VPS13A: variants seen among roughly 807,000 people sequenced by gnomAD.
VPS13A encodes the protein intermembrane lipid transfer protein VPS13A.
VPS13A carries 264 observed loss-of-function variants against 390.9 expected under a neutral mutation model. The ratio of observed to expected loss-of-function variants is 0.68; its 90% CI spans 0.61 to 0.75. The LOEUF is 0.75. Among genes scored for constraint, VPS13A ranks in the 30% least tolerant of loss-of-function variants. The pLI is 0.00. For missense variants in VPS13A, 3,409 were observed against 3,733.9 expected (o/e 0.91, Z 2.27); for synonymous variants, 1,231 against 1,227.1 (o/e 1.00, Z -0.07).
chr9:77,207,213 T>TTATGTATATATA (rs1554859895), intron 5 of VPS13A, among the ~76,000 whole-genome samples: 1 of 43,096 alleles, frequency 2.3e-5, no homozygotes. Context: ...TATTTAGATA[T>TTATGTATATATA]TATATATATA....
At chr9:77,238,745 T>C (rs140448239) in intron 19 of VPS13A, among the ~76,000 whole-genome samples, 3 of 152,330 alleles carry the variant, frequency 2.0e-5, no homozygotes, top group African/African-American at 7.2e-5. Flanking sequence ...TTTTATTCTC[T>C]AGGAGAGTTT....
At chr9:77,358,836 C>A (rs146024207) in intron 57 of VPS13A, among the ~76,000 whole-genome samples, 1 of 152,064 alleles carries the variant, frequency 6.6e-6, no homozygotes, top group Non-Finnish European at 1.5e-5. Flanking sequence ...CCTTTTCTTT[C>A]CCTTTGCCTT....
intron 33 of VPS13A, among the ~76,000 whole-genome samples, chr9:77,298,231 T>C (rs987382448): frequency 3.9e-5 from 6 of 152,192 alleles, no homozygotes; most frequent in Non-Finnish European, 1.5e-5. Context: ...GGAATATATG[T>C]GCCTAGGTGA....
At chr9:77,387,763 A>G (rs370676517) in intron 68 of VPS13A, among the ~76,000 whole-genome samples, 4 of 152,318 alleles carry the variant, frequency 2.6e-5, no homozygotes, top group East Asian at 3.9e-4. Flanking sequence ...TTTGTTTTTG[A>G]AACTATTCAA....
intron 37 of VPS13A, 140 bp downstream of exon 37, chr9:77,314,804 C>A: frequency 1.3e-6 from 1 of 766,908 alleles, no homozygotes; most frequent in Non-Finnish European, 2.2e-6. Context: ...GCTCGTAGTA[C>A]TCGGTTAACA....
intron 34 of VPS13A, among the ~76,000 whole-genome samples, chr9:77,303,590 C>G (rs938439932): frequency 2.0e-5 from 3 of 152,068 alleles, no homozygotes; most frequent in Non-Finnish European, 2.9e-5. Flanking sequence ...CCTCTGAGTT[C>G]CGTCAGTTTT....
chr9:77,371,703 T>C (rs928428343), intron 67 of VPS13A, among the ~76,000 whole-genome samples: 2 of 151,244 alleles, frequency 1.3e-5, no homozygotes, highest in African/African-American at 2.4e-5. Flanking sequence ...CATGTGCACA[T>C]TGCGCAGGTT....
chr9:77,396,197 A>G (rs1834113350), intron 68 of VPS13A, among the ~76,000 whole-genome samples: 1 of 152,130 alleles, frequency 6.6e-6, no homozygotes, highest in South Asian at 2.1e-4. Context: ...GAGCATAGTT[A>G]TTTTCCTTCT....
intron 6 of VPS13A, among the ~76,000 whole-genome samples, chr9:77,210,181 C>G: frequency 8.1e-6 from 1 of 122,918 alleles, no homozygotes; most frequent in Non-Finnish European, 1.7e-5. Context: ...CTCTCTCTCT[C>G]TCTTTCTCTT....
chr9:77,382,528 G>A (rs1283962268), intron 68 of VPS13A: 12 of 1,229,712 alleles, frequency 9.8e-6, no homozygotes, highest in Non-Finnish European at 1.2e-5. Flanking sequence ...CCTCGTCATT[G>A]GTGGTACTTA....
Position 77,225,927 on chromosome 9 carries a change from A to T in VPS13A, c.1163A>T (p.Glu388Val), listed in dbSNP as rs1219691905. 1.9e-6 allele frequency: 3 copies of T among 1,610,012 alleles called. No homozygotes were observed. Among genetic ancestry groups the T allele is most frequent in the African/African-American group, 2.7e-5 (2 of 74,896 alleles). ...PPGELLVSLE[E>V]LEKTLDVFNI... ...CACATTTTTGTTTATATTTTTCAGGAGTTGGAAAAAACCTTGGATGTCTTT... is the reference window on the plus strand; with the variant it reads ...CACATTTTTGTTTATATTTTTCAGGTGTTGGAAAAAACCTTGGATGTCTTT... Residue 388 changes from glutamate to valine, a missense_variant and splice_region_variant, in exon 14 of 72, where the codon GAG (glutamate) becomes GTG (valine). Around this residue, in one of 5 missense-constraint regions of VPS13A, gnomAD observed 2,717 missense variants for 2,917.4 expected, o/e 0.93. Coordinates refer to ENST00000360280, the MANE Select transcript of VPS13A (RefSeq NM_033305.3).
At chr9:77,217,325 T>C (rs887772630) in intron 10 of VPS13A, among the ~76,000 whole-genome samples, 2 of 152,240 alleles carry the variant, frequency 1.3e-5, no homozygotes, top group Non-Finnish European at 2.9e-5. Context: ...TTTAATTTTT[T>C]ATTTGTATAA....
chr9:77,240,547 G>A lies in VPS13A; in HGVS notation c.1900+2161G>A, dbSNP rs577807742. ...GCTGGGGGTGCGGTGGCATAATCTC[G>A]GCTCGCTGCAACCTCTGCCTCCCAG... On this transcript the variant is annotated intron_variant, in intron 19 of 71. Transcript: ENST00000360280. Among the ~76,000 whole-genome samples, 73 of 143,504 alleles carry A rather than the reference G, an allele frequency of 5.1e-4. 1 individual carries two copies. The highest frequency in any genetic ancestry group is 3.6e-3 in the Admixed American group (50 of 13,920). The allele number at this position is 143,504 out of a possible 152,430, so 94.1% of individuals were successfully genotyped here. A position where few individuals can be genotyped will look rare whatever the true frequency, so the allele number is the denominator to read the frequency against.
At chr9:77,315,781 A>G (rs895677871) in intron 38 of VPS13A, among the ~76,000 whole-genome samples, 2 of 152,132 alleles carry the variant, frequency 1.3e-5, no homozygotes, top group African/African-American at 2.4e-5. Flanking sequence ...TAATGAACCA[A>G]CCATACCTTT....
chr9:77,339,394 C>T, intron 47 of VPS13A, 122 bp from the exon 48 acceptor site: 2 of 906,036 alleles, frequency 2.2e-6, no homozygotes, highest in Non-Finnish European at 1.6e-6. Context: ...AGTCTTCTGA[C>T]TTGTTCTGAT....
intron 71 of VPS13A, among the ~76,000 whole-genome samples, chr9:77,408,534 T>G (rs1293454838): frequency 6.6e-6 from 1 of 152,206 alleles, no homozygotes; most frequent in Non-Finnish European, 1.5e-5. Context: ...GGGAATTCCC[T>G]TTCCTAGTCA....
At chr9:77,277,729 CTT>C (rs1178499560) in intron 26 of VPS13A, among the ~76,000 whole-genome samples, 1 of 151,904 alleles carries the variant, frequency 6.6e-6, no homozygotes, top group South Asian at 2.1e-4. Context: ...ACCTCCATGT[CTT>C]TTCATAACTG....
rs1238595937 is a variant in VPS13A, at chr9:77,266,198, T to C, written c.2427+5974T>C. ...CCATTCTTTTGCATTTGCTGAAGCT[T>C]GTTTTACCTTCAATTATGTGATCAA... On this transcript the variant is annotated intron_variant, in intron 23 of 71. Coordinates refer to ENST00000360280, the MANE Select transcript of VPS13A (RefSeq NM_033305.3). Among the ~76,000 whole-genome samples the C allele has an allele frequency of 3.3e-5, 5 of 152,182 alleles. No homozygotes were observed. The East Asian group carries it at 7.7e-4, about 23-fold the overall frequency.
At chr9:77,256,212 G>A (rs1825435188) in intron 22 of VPS13A, among the ~76,000 whole-genome samples, 1 of 151,836 alleles carries the variant, frequency 6.6e-6, no homozygotes, top group African/African-American at 2.4e-5. Flanking sequence ...TTTGTCTTGA[G>A]TTATTTTCTA....
Sources: allele counts gnomAD v4.1 joint callset (sites outside exome capture counted in the v4.1 genomes callset), GRCh38; gene constraint gnomAD v4.1.1; regional missense constraint gnomAD v4.1.1; transcripts MANE v1.5; gene names NCBI Gene and HGNC (gene_info 2026-07-23, HGNC 2026-07-21).